ASIC2: variants seen among roughly 807,000 people sequenced by gnomAD.
ASIC2 encodes acid sensing ion channel subunit 2.
Under a neutral mutation model 57.3 loss-of-function variants are expected in ASIC2, and 25 were observed. The observed-to-expected ratio is 0.44, with a 90% CI of 0.32 to 0.61. The LOEUF is 0.61. Ranked by LOEUF, ASIC2 falls within the 20% of genes least tolerant of loss-of-function variation. ASIC2 has a pLI of 0.06. For missense variants in ASIC2, 641 were observed against 738.1 expected, an observed-to-expected ratio of 0.87 and a Z score of 1.52; for synonymous variants, 319 against 307.5, an observed-to-expected ratio of 1.04 and a Z score of -0.39.
intron 1 of ASIC2, among the ~76,000 whole-genome samples, chr17:33,789,977 G>A (rs1911720072): frequency 6.6e-6 from 1 of 152,124 alleles, no homozygotes; most frequent in Non-Finnish European, 1.5e-5. Flanking sequence ...GAAACAAAGT[G>A]GGAAATGTAC....
chr17:33,843,280 G>C (rs548633772), intron 1 of ASIC2, among the ~76,000 whole-genome samples: 1 of 152,248 alleles, frequency 6.6e-6, no homozygotes, highest in South Asian at 2.1e-4. Flanking sequence ...ATGAACATTG[G>C]GTGAGAAACG....
At chr17:33,682,226 A>ATT (rs72139419) in intron 1 of ASIC2, among the ~76,000 whole-genome samples, 1 of 146,058 alleles carries the variant, frequency 6.8e-6, no homozygotes, top group East Asian at 2.0e-4. Context: ...TGCCTGGCTA[A>ATT]TTTTTTTTTT....
intron 3 of ASIC2, among the ~76,000 whole-genome samples, chr17:33,083,500 T>C (rs1231995969): frequency 6.6e-6 from 1 of 152,216 alleles, no homozygotes; most frequent in Non-Finnish European, 1.5e-5. Context: ...AATAAATGAA[T>C]GTACAAAATA....
At chr17:33,599,247 C>T (rs995905535) in intron 1 of ASIC2, among the ~76,000 whole-genome samples, 1 of 152,210 alleles carries the variant, frequency 6.6e-6, no homozygotes, top group Non-Finnish European at 1.5e-5. Context: ...TTGCTAAGAA[C>T]AGGCCTATTT....
At chr17:34,002,737 G>C (rs556713615) in intron 1 of ASIC2, 1 of 152,238 alleles carries the variant, frequency 6.6e-6, no homozygotes, top group South Asian at 2.1e-4. Context: ...ATTATTCCTA[G>C]TGAATAATTC....
intron 1 of ASIC2, among the ~76,000 whole-genome samples, chr17:33,548,526 A>G (rs1477858558): frequency 1.3e-5 from 2 of 152,208 alleles, no homozygotes; most frequent in African/African-American, 2.4e-5. Context: ...ATTATTGCAC[A>G]CTGGCCATGC....
At chr17:33,379,542 T>A (rs1317915797) in intron 1 of ASIC2, among the ~76,000 whole-genome samples, 1 of 152,216 alleles carries the variant, frequency 6.6e-6, no homozygotes, top group Non-Finnish European at 1.5e-5. Context: ...TGAGGGCTTC[T>A]GTTTCGCTCT....
rs150450588 is a variant in ASIC2, at chr17:33,025,824, A to C, written c.1195+102T>G. 372 of 1,191,566 alleles carry C rather than the reference A, an allele frequency of 3.1e-4. 1 individual carries two copies. The highest frequency in any genetic ancestry group is 2.0e-4 in the Non-Finnish European group (171 of 858,466). 73.8% of individuals were successfully genotyped at this position (1,191,566 alleles called of 1,614,324 possible). A position where few individuals can be genotyped will look rare whatever the true frequency, so the allele number is the denominator to read the frequency against. ...GCCCCTTTCTTCTCATCCTCTCTCC[A>C]TTCCTTCTTCCACTTGATCTTTCCC... On this transcript the variant is annotated intron_variant, in intron 5 of 9. Transcript: ENST00000225823.
rs538532714 is a variant in ASIC2 at position 33,225,202 on chromosome 17, G to A, written c.708+66206C>T. Among the ~76,000 whole-genome samples, 268 of 152,304 alleles carry A rather than the reference G, an allele frequency of 1.8e-3. 1 individual carries two copies. Among genetic ancestry groups the A allele is most frequent in the African/African-American group, 6.2e-3 (258 of 41,556 alleles). ...TGTTGAATACCAAGCCTGTGCTGTG[G>A]CAATGTTTGTTATAGCAAGAAACTG... is the stretch of plus-strand genomic sequence containing the variant. On this transcript the variant is annotated intron_variant, in intron 1 of 9. Transcript: ENST00000225823.
At chr17:33,754,162 T>A (rs558965553) in intron 1 of ASIC2, among the ~76,000 whole-genome samples, 8 of 152,210 alleles carry the variant, frequency 5.3e-5, no homozygotes, top group Admixed American at 2.0e-4. Flanking sequence ...GTTGTCTGAA[T>A]CTCTCCCTTG....
At chr17:33,736,133 G>A (rs1909903074) in intron 1 of ASIC2, among the ~76,000 whole-genome samples, 1 of 152,060 alleles carries the variant, frequency 6.6e-6, no homozygotes, top group Non-Finnish European at 1.5e-5. Context: ...TTTGCTGGCT[G>A]AATAAATAGA....
chr17:33,354,422 T>C (rs1466545201), intron 1 of ASIC2, among the ~76,000 whole-genome samples: 1 of 152,134 alleles, frequency 6.6e-6, no homozygotes. Flanking sequence ...GCATGAAATA[T>C]AACTATGCAA....
chr17:33,061,701 C>G (rs1275795724), intron 3 of ASIC2, among the ~76,000 whole-genome samples: 4 of 152,202 alleles, frequency 2.6e-5, no homozygotes, highest in Non-Finnish European at 4.4e-5. Flanking sequence ...AGGATTCCCT[C>G]TTTTTCTATT....
chr17:34,016,490 A>G (rs1204931088), intron 1 of ASIC2, among the ~76,000 whole-genome samples: 3 of 151,972 alleles, frequency 2.0e-5, no homozygotes, highest in African/African-American at 2.4e-5. Flanking sequence ...TTTACAGCGC[A>G]ACATTATGAA....
chr17:33,826,794 A>G (rs1177630230), intron 1 of ASIC2, among the ~76,000 whole-genome samples: 1 of 152,190 alleles, frequency 6.6e-6, no homozygotes, highest in Non-Finnish European at 1.5e-5. Flanking sequence ...GTTAAAAGGA[A>G]AGGTAGAGTC....
chr17:33,535,155 A>G (rs1272618443), intron 1 of ASIC2, among the ~76,000 whole-genome samples: 1 of 152,172 alleles, frequency 6.6e-6, no homozygotes. Flanking sequence ...GCAAAGACTG[A>G]ATCTGTGTAG....
At chr17:33,185,556 G>A (rs1906158872) in intron 1 of ASIC2, among the ~76,000 whole-genome samples, 1 of 152,104 alleles carries the variant, frequency 6.6e-6, no homozygotes, top group Admixed American at 6.6e-5. Flanking sequence ...TGTGGTGGAG[G>A]GAGGGAGAAC....
At chr17:33,673,713 T>C (rs2142052805) in intron 1 of ASIC2, among the ~76,000 whole-genome samples, 1 of 152,246 alleles carries the variant, frequency 6.6e-6, no homozygotes, top group East Asian at 1.9e-4. Context: ...GAAACATGGG[T>C]CCTGGCAGCT....
At chr17:33,084,400 T>G (rs1567738681) in intron 3 of ASIC2, among the ~76,000 whole-genome samples, 1 of 152,202 alleles carries the variant, frequency 6.6e-6, no homozygotes, top group Non-Finnish European at 1.5e-5. Context: ...AGTCCCTCCC[T>G]GGATTAGCTC....
Sources: gnomAD v4.1 joint callset for allele counts (sites outside exome capture counted in the v4.1 genomes callset) on GRCh38, gnomAD v4.1.1 for gene constraint, MANE v1.5 for transcripts, NCBI Gene and HGNC (gene_info 2026-07-23, HGNC 2026-07-21) for gene names.